The following MLLT3 variants were observed in gnomAD, a reference collection of about 807,000 sequenced individuals.
MLLT3 encodes the protein protein AF-9.
Under a neutral mutation model 53.2 loss-of-function variants are expected in MLLT3, and 4 were observed. The observed-to-expected ratio is 0.08, with a 90% CI of 0.04 to 0.17. The LOEUF is 0.17. Among genes scored for constraint, MLLT3 ranks in the 10% least tolerant of loss-of-function variants. The pLI is 1.00. For missense variants in MLLT3, 569 were observed against 684.0 expected, an observed-to-expected ratio of 0.83 and a Z score of 1.87; for synonymous variants, 283 against 230.6, an observed-to-expected ratio of 1.23 and a Z score of -2.06.
chr9:20,620,838 C>T lies in MLLT3; in HGVS notation c.13-4G>A. On this transcript the variant is annotated splice_region_variant and splice_polypyrimidine_tract_variant and intron_variant, in intron 1 of 10. Coordinates refer to ENST00000380338, the MANE Select transcript of MLLT3 (RefSeq NM_004529.4). This position sits in a 1 kb window ranked among gnomAD's most constrained non-coding sequence, Gnocchi z 6.1. ...CCAGCTTCACCTGCACGGCACACTG[C>T]GGGCAGGGGGAGGAGAGACAGCCGT... 2 of 1,613,746 alleles carry T rather than the reference C, an allele frequency of 1.2e-6. No homozygotes were observed. The highest frequency in any genetic ancestry group is 1.7e-6 in the Non-Finnish European group (2 of 1,179,814).
intron 10 of MLLT3, among the ~76,000 whole-genome samples, chr9:20,351,468 C>T (rs1364961222): frequency 6.6e-6 from 1 of 152,220 alleles, no homozygotes; most frequent in African/African-American, 2.4e-5. Flanking sequence ...CTTGGTTTGA[C>T]TGTGTCTACT....
rs2118992669 is a variant in MLLT3, at chr9:20,529,177, G to A, written c.194-72391C>T. Among the ~76,000 whole-genome samples the A allele has an allele frequency of 2.0e-5, 3 of 152,256 alleles. No homozygotes were observed. The South Asian group carries it at 6.2e-4, about 32-fold the overall frequency. The stretch of plus-strand genomic sequence containing the variant: ...TGGGTATGCAGCCTAGGTTTGGTTG[G>A]ATTTTTTTTATTAACTCAGGTGATC... On this transcript the variant is annotated intron_variant, in intron 2 of 10. Transcript: ENST00000380338.
At chr9:20,432,313 T>C (rs921261017) in intron 4 of MLLT3, among the ~76,000 whole-genome samples, 1 of 152,192 alleles carries the variant, frequency 6.6e-6, no homozygotes, top group African/African-American at 2.4e-5. Flanking sequence ...TTTGATTATA[T>C]AGTATTATAG....
rs1323205106 is a variant in MLLT3 at position 20,359,195 on chromosome 9, C to T, written c.1431+1547G>A. ...AAAAAATCTCACCAAGGTTCAAATT[C>T]TATTCTAATGCTAGTTCTCACTGAA... On this transcript the variant is annotated intron_variant, in intron 8 of 10. Transcript: ENST00000380338. Among the ~76,000 whole-genome samples, 5 of 139,958 alleles carry T rather than the reference C, an allele frequency of 3.6e-5. No homozygotes were observed. The Admixed American group carries it at 3.6e-4, about 10-fold the overall frequency. The allele number at this position is 139,958 out of a possible 152,430, so 91.8% of individuals were successfully genotyped here. A position where few individuals can be genotyped will look rare whatever the true frequency, so the allele number is the denominator to read the frequency against.
intron 4 of MLLT3, among the ~76,000 whole-genome samples, chr9:20,440,890 AAG>A (rs1823530924): frequency 6.6e-6 from 1 of 152,096 alleles, no homozygotes; most frequent in Admixed American, 6.6e-5. Flanking sequence ...TGACAACTTT[AAG>A]ATATCACAGC....
chr9:20,599,974 G>A (rs1820375989), intron 2 of MLLT3, among the ~76,000 whole-genome samples: 1 of 151,900 alleles, frequency 6.6e-6, no homozygotes, highest in Non-Finnish European at 1.5e-5. Context: ...CTAACCCAGT[G>A]AGTTCAGAAA....
intron 2 of MLLT3, among the ~76,000 whole-genome samples, chr9:20,573,847 A>G (rs1819590872): frequency 6.6e-6 from 1 of 152,196 alleles, no homozygotes. Flanking sequence ...CCAAAACTAT[A>G]AATTTTTCCA....
intron 2 of MLLT3, among the ~76,000 whole-genome samples, chr9:20,539,977 A>G (rs1205643910): frequency 2.0e-5 from 3 of 152,248 alleles, no homozygotes; most frequent in Admixed American, 6.5e-5. Flanking sequence ...TCCCATTCCA[A>G]AAGGGAAAAA....
intron 4 of MLLT3, among the ~76,000 whole-genome samples, chr9:20,439,661 A>C (rs1823495760): frequency 6.6e-6 from 1 of 152,164 alleles, no homozygotes; most frequent in Non-Finnish European, 1.5e-5. Context: ...ACAACCAGAA[A>C]GTTTATATCA....
At chr9:20,615,354 C>A (rs1587134906) in intron 2 of MLLT3, among the ~76,000 whole-genome samples, 1 of 81,608 alleles carries the variant, frequency 1.2e-5, no homozygotes, top group Non-Finnish European at 2.1e-5. Flanking sequence ...CAGGGCCAGA[C>A]CATGTGAAAA....
chr9:20,427,308 GA>G (rs1055394335), intron 4 of MLLT3, among the ~76,000 whole-genome samples: 45 of 129,242 alleles, frequency 3.5e-4, no homozygotes, highest in South Asian at 9.8e-4. Context: ...TTTAAGAAAT[GA>G]AAAAAAAAAA....
At chr9:20,532,821 T>G in intron 2 of MLLT3, 1 of 262,480 alleles carries the variant, frequency 3.8e-6, no homozygotes, top group Non-Finnish European at 7.4e-6. Flanking sequence ...CCTGGACCAT[T>G]AAACAGCTAC....
At chr9:20,611,825 T>C (rs1404839263) in intron 2 of MLLT3, among the ~76,000 whole-genome samples, 2 of 152,162 alleles carry the variant, frequency 1.3e-5, no homozygotes, top group Non-Finnish European at 2.9e-5. Flanking sequence ...GATTAAGTCA[T>C]GCAACATTAC....
chr9:20,474,641 T>C (rs934456308), intron 2 of MLLT3, among the ~76,000 whole-genome samples: 1 of 151,916 alleles, frequency 6.6e-6, no homozygotes, highest in Non-Finnish European at 1.5e-5. Flanking sequence ...ATCTAGCTAT[T>C]TGCTTAAGAA....
At chr9:20,353,043 T>C (rs983138474) in intron 10 of MLLT3, among the ~76,000 whole-genome samples, 9 of 152,126 alleles carry the variant, frequency 5.9e-5, no homozygotes. Context: ...TTCATAATAA[T>C]AGAATGTATG....
At chr9:20,348,063 T>C (rs1016959862) in intron 10 of MLLT3, among the ~76,000 whole-genome samples, 2 of 152,190 alleles carry the variant, frequency 1.3e-5, no homozygotes, top group Non-Finnish European at 2.9e-5. Flanking sequence ...TAACTCTCAA[T>C]CCAATTAACT....
chr9:20,479,143 AAT>A (rs1338176329), intron 2 of MLLT3, among the ~76,000 whole-genome samples: 1 of 152,120 alleles, frequency 6.6e-6, no homozygotes, highest in African/African-American at 2.4e-5. Context: ...AACGATTTAA[AAT>A]GGTTTCCTTT....
chr9:20,599,569 CCTT>C (rs1416965088), intron 2 of MLLT3, among the ~76,000 whole-genome samples: 1 of 151,926 alleles, frequency 6.6e-6, no homozygotes, highest in East Asian at 1.9e-4. Flanking sequence ...GCCTCAGAAT[CCTT>C]CTCATTAGAC....
rs1824758313 is a variant in MLLT3 at position 20,484,572 on chromosome 9, T to C, written c.194-27786A>G. The stretch of plus-strand genomic sequence containing the variant: ...TATATGGGTAAACTTAACCCAAAAA[T>C]TACTCCTTTTCTCTGGTCTGCCCCA... On this transcript the variant is annotated intron_variant, in intron 2 of 10. Transcript: ENST00000380338. Among the ~76,000 whole-genome samples, 3 of 152,132 alleles carry C rather than the reference T, an allele frequency of 2.0e-5. No individual in the cohort carries two copies. The South Asian group carries it at 6.2e-4, about 32-fold the overall frequency.
Sources: allele counts gnomAD v4.1 joint callset (sites outside exome capture counted in the v4.1 genomes callset), GRCh38; gene constraint gnomAD v4.1.1; non-coding constraint Gnocchi (gnomAD v3.1); transcripts MANE v1.5; gene names NCBI Gene and HGNC (gene_info 2026-07-23, HGNC 2026-07-21).